The following FCHSD2 variants were observed in gnomAD, a reference collection of about 807,000 sequenced individuals.
FCHSD2 encodes F-BAR and double SH3 domains protein 2.
A neutral mutation model predicts 108.1 loss-of-function variants in FCHSD2; 38 were observed. That is an observed-to-expected ratio of 0.35 (90% CI 0.27 to 0.46). The LOEUF (loss-of-function observed/expected upper bound fraction) is 0.46. FCHSD2 is among the 20% of genes least tolerant of loss of function. The probability of loss-of-function intolerance (pLI) is 1.00; values close to 1 mark genes in which losing one functional copy is unlikely to be tolerated. For missense variants in FCHSD2, 751 were observed against 897.8 expected, an observed-to-expected ratio of 0.84 and a Z score of 2.09; for synonymous variants, 279 against 314.7, an observed-to-expected ratio of 0.89 and a Z score of 1.20.
chr11:72,889,932 TCTAA>T lies in FCHSD2; in HGVS notation c.934_937del (p.Leu312AsnfsTer12). The T allele has an allele frequency of 1.2e-6, 2 of 1,609,022 alleles. No homozygotes were observed. The highest frequency in any genetic ancestry group is 1.7e-5 in the Admixed American group (1 of 60,010). On this transcript the variant is annotated frameshift_variant, in exon 11 of 20. Coordinates refer to ENST00000409418, the MANE Select transcript of FCHSD2 (RefSeq NM_014824.3). LOFTEE classifies it high-confidence loss of function. ...CTCCTCTGTGGTCCCAGTTTCTGAT[TCTAA>T]CTGTCGGCTCTACAATACAAGAGAG...
intron 3 of FCHSD2, 136 bp downstream of exon 3, chr11:73,083,557 GAA>G (rs72053185): frequency 2.6e-4 from 128 of 498,814 alleles, no homozygotes; most frequent in South Asian, 4.3e-4. Context: ...CAGAAAAAAA[GAA>G]AAAAAAAAAA....
chr11:73,010,747 G>T (rs1241090529), intron 4 of FCHSD2, among the ~76,000 whole-genome samples: 1 of 152,208 alleles, frequency 6.6e-6, no homozygotes, highest in African/African-American at 2.4e-5. Context: ...GGGGCACCAG[G>T]TAGGCCAGTC....
At chr11:72,896,443 A>ACTCAT (rs1189314227) in intron 10 of FCHSD2, among the ~76,000 whole-genome samples, 6 of 152,186 alleles carry the variant, frequency 3.9e-5, no homozygotes, top group African/African-American at 1.4e-4. Context: ...CCCTAATGGC[A>ACTCAT]CTCATCACTA....
intron 3 of FCHSD2, among the ~76,000 whole-genome samples, chr11:73,057,585 T>G (rs1859056934): frequency 6.6e-6 from 1 of 152,088 alleles, no homozygotes; most frequent in Non-Finnish European, 1.5e-5. Context: ...TAAGGAATAT[T>G]CTACCTCCTT....
At chr11:72,933,204 G>A (rs1397028668) in intron 8 of FCHSD2, among the ~76,000 whole-genome samples, 1 of 152,142 alleles carries the variant, frequency 6.6e-6, no homozygotes, top group Non-Finnish European at 1.5e-5. Context: ...TTACTGGGTG[G>A]AGGTGGTCCC....
chr11:72,846,423 G>T (rs188051439), intron 14 of FCHSD2, among the ~76,000 whole-genome samples: 1 of 151,916 alleles, frequency 6.6e-6, no homozygotes, highest in Non-Finnish European at 1.5e-5. Context: ...CTCGCGATTC[G>T]CCCGCCTTGG....
intron 13 of FCHSD2, among the ~76,000 whole-genome samples, chr11:72,862,933 A>AT (rs559219442): frequency 4.7e-5 from 7 of 150,464 alleles, no homozygotes; most frequent in East Asian, 1.9e-4. Flanking sequence ...TATATGATTA[A>AT]TTTTTTTTTT....
At chr11:73,097,688 T>C (rs553050739) in intron 2 of FCHSD2, among the ~76,000 whole-genome samples, 1 of 151,944 alleles carries the variant, frequency 6.6e-6, no homozygotes, top group Admixed American at 6.5e-5. Flanking sequence ...TTTTTTTCTG[T>C]AATCAGTTTT....
intron 5 of FCHSD2, among the ~76,000 whole-genome samples, chr11:72,992,995 T>C (rs1156958432): frequency 9.2e-5 from 14 of 152,198 alleles, no homozygotes; most frequent in Non-Finnish European, 1.5e-5. Flanking sequence ...GAGAACATTT[T>C]TGCAATCTAC....
intron 8 of FCHSD2, among the ~76,000 whole-genome samples, chr11:72,963,062 C>G (rs1377439481): frequency 6.6e-6 from 1 of 152,134 alleles, no homozygotes; most frequent in Non-Finnish European, 1.5e-5. Flanking sequence ...ATAGCACCTA[C>G]TACAGAGAGT....
At chr11:72,899,484 A>G (rs1489888199) in intron 10 of FCHSD2, among the ~76,000 whole-genome samples, 1 of 152,164 alleles carries the variant, frequency 6.6e-6, no homozygotes, top group Non-Finnish European at 1.5e-5. Context: ...GCCAGACAAT[A>G]ATACATGTCT....
chr11:73,033,759 C>T (rs756002394), intron 3 of FCHSD2, among the ~76,000 whole-genome samples: 9 of 152,152 alleles, frequency 5.9e-5, no homozygotes, highest in Non-Finnish European at 1.3e-4. Context: ...TACTGTACTG[C>T]CTTTGCTGTG....
At chr11:73,098,312 G>A (rs1031361741) in intron 2 of FCHSD2, among the ~76,000 whole-genome samples, 4 of 152,082 alleles carry the variant, frequency 2.6e-5, no homozygotes, top group Admixed American at 6.5e-5. Flanking sequence ...TGATCTACTC[G>A]TTGTTTAAGA....
intron 8 of FCHSD2, among the ~76,000 whole-genome samples, chr11:72,953,351 A>C (rs949976899): frequency 1.3e-5 from 2 of 152,216 alleles, no homozygotes; most frequent in Non-Finnish European, 2.9e-5. Context: ...TTTTCAAAAA[A>C]TCTTTAATCT....
At chr11:72,917,653 A>C (rs1044991849) in intron 9 of FCHSD2, among the ~76,000 whole-genome samples, 8 of 152,242 alleles carry the variant, frequency 5.3e-5, no homozygotes, top group Admixed American at 2.0e-4. Flanking sequence ...TGGGAGGCCA[A>C]GGCAGGCGGA....
chr11:72,900,164 C>G, intron 10 of FCHSD2: 2 of 819,512 alleles, frequency 2.4e-6, no homozygotes, highest in Non-Finnish European at 4.0e-6. Flanking sequence ...CATGTATATA[C>G]ATAACTTTCA....
At chr11:72,948,330 C>G (rs1184768741) in intron 8 of FCHSD2, among the ~76,000 whole-genome samples, 1 of 152,102 alleles carries the variant, frequency 6.6e-6, no homozygotes, top group Non-Finnish European at 1.5e-5. Context: ...AAATTATTGG[C>G]TGCTTATTAT....
chr11:72,900,426 T>C, intron 10 of FCHSD2: 1 of 766,094 alleles, frequency 1.3e-6, no homozygotes, highest in Non-Finnish European at 2.2e-6. Flanking sequence ...TAGCACAGTG[T>C]TTAGAAACAA....
At chr11:72,947,704 TAC>T (rs1165727736) in intron 8 of FCHSD2, among the ~76,000 whole-genome samples, 2 of 152,162 alleles carry the variant, frequency 1.3e-5, no homozygotes, top group African/African-American at 2.4e-5. Flanking sequence ...GATTATAAAT[TAC>T]AGTGTGATAA....
Sources: allele counts gnomAD v4.1 joint callset (sites outside exome capture counted in the v4.1 genomes callset), GRCh38; gene constraint gnomAD v4.1.1; transcripts MANE v1.5; gene names NCBI Gene and HGNC (gene_info 2026-07-23, HGNC 2026-07-21).